Variants in ADGRL2 observed in about 807,000 individuals in gnomAD.
ADGRL2 encodes the protein calcium-independent alpha-latrotoxin receptor 2.
Under a neutral mutation model 157.4 loss-of-function variants are expected in ADGRL2, and 44 were observed. That is an observed-to-expected ratio of 0.28 (90% CI 0.22 to 0.36). The LOEUF (loss-of-function observed/expected upper bound fraction) is 0.36. Among genes scored for constraint, ADGRL2 ranks in the 10% least tolerant of loss-of-function variants. ADGRL2 has a pLI of 1.00. For synonymous variants in ADGRL2, 585 were observed against 624.7 expected (o/e 0.94, Z 0.95); for missense variants, 1,510 against 1,768.9 (o/e 0.85, Z 2.63).
intron 3 of ADGRL2, among the ~76,000 whole-genome samples, chr1:81,600,035 C>T (rs1338857365): frequency 1.3e-5 from 2 of 152,186 alleles, no homozygotes; most frequent in African/African-American, 2.4e-5. Context: ...ATTAAAACAA[C>T]TTGTATTTAC....
chr1:81,607,609 CT>C (rs1257605683), intron 3 of ADGRL2, among the ~76,000 whole-genome samples: 2 of 152,172 alleles, frequency 1.3e-5, no homozygotes, highest in Admixed American at 1.3e-4. Context: ...GAAAGAACAC[CT>C]TTCCTTTGTT....
chr1:81,905,807 A>G (rs1341027353), intron 2 of ADGRL2, among the ~76,000 whole-genome samples: 1 of 152,182 alleles, frequency 6.6e-6, no homozygotes. Flanking sequence ...GAATTTTCAC[A>G]TAGCTTTTGC....
At chr1:81,725,220 A>T (rs2084480070) in intron 1 of ADGRL2, among the ~76,000 whole-genome samples, 1 of 146,684 alleles carries the variant, frequency 6.8e-6, no homozygotes, top group Admixed American at 6.9e-5. Context: ...AAAAAAAAAA[A>T]AGAACAAAAA....
At chr1:81,720,118 A>G (rs1050660776) in intron 1 of ADGRL2, among the ~76,000 whole-genome samples, 5 of 152,078 alleles carry the variant, frequency 3.3e-5, no homozygotes, top group Admixed American at 2.0e-4. Flanking sequence ...GTCGTATTAC[A>G]GACATTTTAA....
At chr1:81,699,833 T>C (rs1040227751) in intron 1 of ADGRL2, 6 of 152,226 alleles carry the variant, frequency 3.9e-5, no homozygotes, top group Non-Finnish European at 8.8e-5. Context: ...ATCTCTTTGT[T>C]TGATCATTAA....
chr1:81,747,701 T>TAGTG (rs373036221), intron 1 of ADGRL2, among the ~76,000 whole-genome samples: 7 of 147,254 alleles, frequency 4.8e-5, no homozygotes, highest in Non-Finnish European at 1.0e-4. Context: ...CCTTTAATGT[T>TAGTG]TGTGTGTGTG....
chr1:81,592,359 T>C (rs138285663), intron 3 of ADGRL2, among the ~76,000 whole-genome samples: 2 of 152,320 alleles, frequency 1.3e-5, no homozygotes, highest in Admixed American at 6.5e-5. Context: ...TCCGATAAAA[T>C]GTTATTTACA....
intron 2 of ADGRL2, among the ~76,000 whole-genome samples, chr1:81,476,268 T>A (rs1370856328): frequency 3.3e-5 from 5 of 152,126 alleles, no homozygotes; most frequent in Admixed American, 3.3e-4. Context: ...ATCCTTTAGG[T>A]CTCCACTATT....
chr1:81,941,595 A>T (rs1445607027), intron 4 of ADGRL2, among the ~76,000 whole-genome samples: 1 of 151,854 alleles, frequency 6.6e-6, no homozygotes, highest in Non-Finnish European at 1.5e-5. Context: ...AGTTAGTTTA[A>T]TAATTGAGTT....
At chr1:81,433,924 T>C (rs1324574783) in intron 1 of ADGRL2, among the ~76,000 whole-genome samples, 1 of 152,172 alleles carries the variant, frequency 6.6e-6, no homozygotes, top group Non-Finnish European at 1.5e-5. Flanking sequence ...AGAAGCTGTG[T>C]TGGGACTCTG....
intron 2 of ADGRL2, among the ~76,000 whole-genome samples, chr1:81,784,713 G>A (rs1173627810): frequency 7.7e-6 from 1 of 129,870 alleles, no homozygotes; most frequent in East Asian, 2.4e-4. Flanking sequence ...GGGCGACAGA[G>A]TGAGACCCCG....
chr1:81,798,235 T>G (rs9727711), upstream of ADGRL2, among the ~76,000 whole-genome samples: 44,322 of 151,896 alleles, frequency 0.29, 7,135 homozygotes, highest in Middle Eastern at 0.49. Context: ...TTTTTGAATG[T>G]AGATATACTC....
rs140722524 is a variant in ADGRL2 at position 81,544,760 on chromosome 1, C to T, written c.-247-36116C>T. Among the ~76,000 whole-genome samples, 502 of 152,286 alleles carry T rather than the reference C, an allele frequency of 3.3e-3. 4 individuals are homozygous for T. The highest frequency in any genetic ancestry group is 0.014 in the Middle Eastern group (4 of 294). On this transcript the variant is annotated intron_variant, in intron 2 of 24. Coordinates refer to the ADGRL2 transcript ENST00000370721. Reference sequence around the variant, plus strand: ...TGGCCTTCAAGGCAATTAAACTTTTCATGGTAAACAATAGTGAGCCACTAC... The same window carrying T: ...TGGCCTTCAAGGCAATTAAACTTTTTATGGTAAACAATAGTGAGCCACTAC...
intron 2 of ADGRL2, among the ~76,000 whole-genome samples, chr1:81,459,812 GTATA>G (rs71085362): frequency 1.5e-3 from 217 of 144,222 alleles, no homozygotes; most frequent in Middle Eastern, 3.7e-3. Context: ...GTATGTGTTT[GTATA>G]TATATATATA....
chr1:81,444,675 G>A (rs1447992246), intron 1 of ADGRL2, among the ~76,000 whole-genome samples: 5 of 152,172 alleles, frequency 3.3e-5, no homozygotes, highest in African/African-American at 9.6e-5. Flanking sequence ...TCAATGGGCT[G>A]TCTAATGACT....
At chr1:81,378,416 C>G (rs1403390723) in intron 1 of ADGRL2, among the ~76,000 whole-genome samples, 1 of 151,812 alleles carries the variant, frequency 6.6e-6, no homozygotes. Flanking sequence ...AAATAATTAG[C>G]TGGGCGTGGC....
At chr1:81,497,397 T>C (rs914447083) in intron 2 of ADGRL2, among the ~76,000 whole-genome samples, 1 of 148,132 alleles carries the variant, frequency 6.8e-6, no homozygotes, top group Non-Finnish European at 1.5e-5. Flanking sequence ...GTTGCTATGG[T>C]TTTTTTTTTA....
intron 2 of ADGRL2, among the ~76,000 whole-genome samples, chr1:81,495,723 A>T (rs1453428940): frequency 6.6e-6 from 1 of 152,210 alleles, no homozygotes; most frequent in African/African-American, 2.4e-5. Context: ...GTAACTAGGA[A>T]TTTAGCATGC....
chr1:81,762,344 A>G (rs2085911799), intron 2 of ADGRL2, among the ~76,000 whole-genome samples: 1 of 152,202 alleles, frequency 6.6e-6, no homozygotes, highest in Non-Finnish European at 1.5e-5. Context: ...AAAAGTATAT[A>G]TCATAACTTC....
Sources: gnomAD v4.1 joint callset for allele counts (sites outside exome capture counted in the v4.1 genomes callset) on GRCh38, gnomAD v4.1.1 for gene constraint, MANE v1.5 for transcripts, NCBI Gene and HGNC (gene_info 2026-07-23, HGNC 2026-07-21) for gene names.